The following CDH18 variants were observed in gnomAD, a reference collection of about 807,000 sequenced individuals.
The protein encoded by CDH18 is cadherin-18.
A neutral mutation model predicts 67.9 loss-of-function variants in CDH18; 31 were observed. That is an observed-to-expected ratio of 0.46 (90% CI 0.34 to 0.62). The LOEUF (loss-of-function observed/expected upper bound fraction) is 0.62. Among genes scored for constraint, CDH18 ranks in the 20% least tolerant of loss-of-function variants. The pLI is 0.01. For missense variants in CDH18, 890 were observed against 975.5 expected (o/e 0.91, Z 1.17); for synonymous variants, 362 against 347.2 (o/e 1.04, Z -0.48).
chr5:20,065,485 C>A (rs543715543), intron 2 of CDH18, among the ~76,000 whole-genome samples: 1 of 151,930 alleles, frequency 6.6e-6, no homozygotes, highest in Non-Finnish European at 1.5e-5. Flanking sequence ...TATTATAACA[C>A]GGCTTCACTT....
intron 3 of CDH18, among the ~76,000 whole-genome samples, chr5:19,814,910 G>T (rs1779127348): frequency 6.6e-6 from 1 of 151,494 alleles, no homozygotes; most frequent in Non-Finnish European, 1.5e-5. Flanking sequence ...ATGTTTGTAT[G>T]ATAATATAAA....
In CDH18 at chr5:20,040,677, A is replaced by T. The variant is rs554010873; in HGVS notation, c.-517-48663T>A. On this transcript the variant is annotated intron_variant, in intron 2 of 14. Coordinates refer to the CDH18 transcript ENST00000507958. ...GTTCATTCAAAGGGAACATTTCCTA[A>T]ATGTTAGAGTTATCTAAATGGGATC... 3.9e-5 allele frequency among the ~76,000 whole-genome samples: 6 copies of T among 152,228 alleles called. No individual in the cohort carries two copies. The South Asian group carries it at 1.2e-3, about 32-fold the overall frequency.
intron 1 of CDH18, among the ~76,000 whole-genome samples, chr5:20,522,523 A>G (rs1755810094): frequency 6.6e-6 from 1 of 152,178 alleles, no homozygotes; most frequent in South Asian, 2.1e-4. Flanking sequence ...TTACATATTT[A>G]TAATAGTGAG....
intron 2 of CDH18, among the ~76,000 whole-genome samples, chr5:19,874,131 G>A (rs1349124960): frequency 6.6e-6 from 1 of 152,130 alleles, no homozygotes; most frequent in Non-Finnish European, 1.5e-5. Flanking sequence ...TAAAGCATGT[G>A]TAGATTTTAC....
rs146985982 is a variant in CDH18, at chr5:19,960,561, ATGTGTGTGTGTGTGTGTGTG to A, written c.-257+20479_-257+20498del. ...GTTTAATATACGTGTGTGTGTGTGT[ATGTGTGTGTGTGTGTGTGTG>A]TGTGTGTGTATATATATATATACAC... On this transcript the variant is annotated intron_variant, in intron 2 of 12. Coordinates refer to ENST00000382275, the MANE Select transcript of CDH18 (RefSeq NM_004934.5). 3.9e-4 allele frequency among the ~76,000 whole-genome samples: 47 copies of A among 121,520 alleles called. 1 individual carries two copies. The highest frequency in any genetic ancestry group is 1.7e-3 in the African/African-American group (47 of 28,014). The allele number at this position is 121,520 out of a possible 152,430, so 79.7% of individuals were successfully genotyped here.
At chr5:19,641,830 C>A (rs1192420817) in intron 5 of CDH18, among the ~76,000 whole-genome samples, 1 of 151,318 alleles carries the variant, frequency 6.6e-6, no homozygotes, top group Admixed American at 6.6e-5. Flanking sequence ...CAGTACAATT[C>A]AACAAGAAAA....
At chr5:20,160,723 C>A (rs1288942113) in intron 2 of CDH18, among the ~76,000 whole-genome samples, 1 of 152,142 alleles carries the variant, frequency 6.6e-6, no homozygotes, top group African/African-American at 2.4e-5. Flanking sequence ...GAGCAAGGCT[C>A]TTTACAGCAG....
chr5:20,197,441 G>T (rs577040086), intron 2 of CDH18, among the ~76,000 whole-genome samples: 2 of 152,146 alleles, frequency 1.3e-5, no homozygotes, highest in Admixed American at 6.5e-5. Context: ...ATTAAAAACT[G>T]CCCATTAGTT....
At chr5:20,016,812 A>ACT (rs1737919896) in intron 2 of CDH18, among the ~76,000 whole-genome samples, 3 of 152,150 alleles carry the variant, frequency 2.0e-5, no homozygotes. Flanking sequence ...ACACTAGTGC[A>ACT]GGTTTGTCAC....
At chr5:19,936,661 C>A (rs1278587215) in intron 2 of CDH18, among the ~76,000 whole-genome samples, 1 of 151,044 alleles carries the variant, frequency 6.6e-6, no homozygotes, top group Non-Finnish European at 1.5e-5. Flanking sequence ...TCTAGTATAA[C>A]ATAAATTTTA....
Position 19,587,268 on chromosome 5 carries a change from C to T in CDH18, c.999+3789G>A, listed in dbSNP as rs529884705. ...TTTGCAACTAAAATAAATGCCAAAACCTGCAATTACTTTTGCATCAACCTA... is the reference window on the plus strand; with the variant it reads ...TTTGCAACTAAAATAAATGCCAAAATCTGCAATTACTTTTGCATCAACCTA... On this transcript the variant is annotated intron_variant, in intron 7 of 12. Coordinates refer to ENST00000382275, the MANE Select transcript of CDH18 (RefSeq NM_004934.5). Among the ~76,000 whole-genome samples, 4 of 152,162 alleles carry T rather than the reference C, an allele frequency of 2.6e-5. No individual in the cohort carries two copies. The South Asian group carries it at 6.2e-4, about 24-fold the overall frequency.
intron 5 of CDH18, among the ~76,000 whole-genome samples, chr5:19,638,987 T>TTTGTTTTTG (rs796338249): frequency 0.013 from 1,076 of 84,520 alleles, 13 homozygotes; most frequent in African/African-American, 0.051. Flanking sequence ...GTTTTTTTTT[T>TTTGTTTTTG]TTTTTTTTTT....
chr5:19,726,460 T>C (rs1581080042), intron 4 of CDH18, among the ~76,000 whole-genome samples: 1 of 152,076 alleles, frequency 6.6e-6, no homozygotes, highest in East Asian at 1.9e-4. Flanking sequence ...GGGTACCACT[T>C]TGAGTACACA....
intron 5 of CDH18, among the ~76,000 whole-genome samples, chr5:19,694,649 CTGTGTG>C (rs66488949): frequency 0.91 from 136,560 of 150,720 alleles, 63,042 homozygotes; most frequent in East Asian, 1. Flanking sequence ...GAATTAAACT[CTGTGTG>C]TGTGTGTGTG....
At chr5:20,002,107 C>T (rs955720439) in intron 2 of CDH18, among the ~76,000 whole-genome samples, 2 of 152,138 alleles carry the variant, frequency 1.3e-5, no homozygotes, top group Non-Finnish European at 2.9e-5. Flanking sequence ...ATTCCTCAAG[C>T]CAGAATTTTC....
intron 2 of CDH18, among the ~76,000 whole-genome samples, chr5:20,130,194 G>C (rs1335336352): frequency 2.6e-5 from 4 of 151,610 alleles, no homozygotes; most frequent in Non-Finnish European, 5.9e-5. Context: ...GTATACTACA[G>C]TTCTTCCCCT....
chr5:20,069,206 C>G (rs1743231905), intron 2 of CDH18, among the ~76,000 whole-genome samples: 1 of 151,812 alleles, frequency 6.6e-6, no homozygotes, highest in African/African-American at 2.4e-5. Flanking sequence ...AATATGCCCC[C>G]ACTTGCTCCC....
chr5:19,960,701 ATG>A (rs1248149864), intron 2 of CDH18, among the ~76,000 whole-genome samples: 4,650 of 131,750 alleles, frequency 0.035, 679 homozygotes, highest in African/African-American at 0.14. Flanking sequence ...ACGTGTATAT[ATG>A]TATATATGTA....
At position 19,839,018 on chromosome 5, in the gene CDH18, T is replaced by C; in HGVS notation, c.-32A>G. ...ATAACTTTCCAGTTCACAGTTTTCC[T>C]TCCTTTCCTTGTCAGCTACGAAAGC... is the stretch of plus-strand genomic sequence containing the variant. On this transcript the variant is annotated 5_prime_UTR_variant, in exon 3 of 13. Transcript: ENST00000382275. The C allele has an allele frequency of 6.4e-7, 1 of 1,557,882 alleles. No homozygotes were observed. Among genetic ancestry groups the C allele is most frequent in the Non-Finnish European group, 8.9e-7 (1 of 1,129,682 alleles).
Sources: gnomAD v4.1 joint callset for allele counts (sites outside exome capture counted in the v4.1 genomes callset) on GRCh38, gnomAD v4.1.1 for gene constraint, MANE v1.5 for transcripts, NCBI Gene and HGNC (gene_info 2026-07-23, HGNC 2026-07-21) for gene names.